MLLT10: variants seen among roughly 807,000 people sequenced by gnomAD.
MLLT10 encodes MLLT10 histone lysine methyltransferase DOT1L cofactor.
In MLLT10, 30 loss-of-function variants were observed where a neutral mutation model predicts 129.1. That is an observed-to-expected ratio of 0.23 (90% CI 0.17 to 0.32). MLLT10 has a LOEUF of 0.32. MLLT10 is among the 10% of genes least tolerant of loss of function. The pLI, the probability that MLLT10 is intolerant of heterozygous loss-of-function variation, is 1.00. For missense variants in MLLT10, 1,119 were observed against 1,268.3 expected, an observed-to-expected ratio of 0.88 and a Z score of 1.79; for synonymous variants, 490 against 446.4, an observed-to-expected ratio of 1.10 and a Z score of -1.23.
At chr10:21,555,224 A>G (rs760626555) in intron 3 of MLLT10, among the ~76,000 whole-genome samples, 1 of 151,756 alleles carries the variant, frequency 6.6e-6, no homozygotes, top group African/African-American at 2.4e-5. Flanking sequence ...TTTAAATTTA[A>G]TTTAATTTTA....
At chr10:21,691,313 C>T (rs1230155295) in intron 13 of MLLT10, among the ~76,000 whole-genome samples, 3 of 152,216 alleles carry the variant, frequency 2.0e-5, no homozygotes, top group South Asian at 4.2e-4. Flanking sequence ...CTATAGATGA[C>T]TGATATACTT....
At chr10:21,647,369 T>C (rs1381155408) in intron 8 of MLLT10, among the ~76,000 whole-genome samples, 1 of 152,186 alleles carries the variant, frequency 6.6e-6, no homozygotes, top group Non-Finnish European at 1.5e-5. Flanking sequence ...GTTTTAAAAA[T>C]TGTCAGCTTG....
chr10:21,726,223 A>C lies in MLLT10; in HGVS notation c.1879-21A>C, dbSNP rs867968277. ...TATTTTCACATATAATTCATTTATC[A>C]TTGTAATTTTTTCCATTTAGGCAAA... On this transcript the variant is annotated intron_variant, in intron 14 of 22. Coordinates refer to ENST00000307729, the MANE Select transcript of MLLT10 (RefSeq NM_001195626.3). 3 of 1,406,312 alleles carry C rather than the reference A, an allele frequency of 2.1e-6. No homozygotes were observed. The South Asian group carries it at 3.7e-5, about 17-fold the overall frequency. The allele number at this position is 1,406,312 out of a possible 1,614,324, so 87.1% of individuals were successfully genotyped here.
chr10:21,571,273 A>G (rs2131035745), intron 3 of MLLT10, among the ~76,000 whole-genome samples: 1 of 152,282 alleles, frequency 6.6e-6, no homozygotes, highest in Admixed American at 6.5e-5. Context: ...CTGATTTGTC[A>G]TTCAACCAAA....
At chr10:21,608,858 A>G (rs946479443) in intron 5 of MLLT10, among the ~76,000 whole-genome samples, 3 of 152,152 alleles carry the variant, frequency 2.0e-5, no homozygotes, top group Admixed American at 6.5e-5. Flanking sequence ...CCTAAGTCCA[A>G]CATCTGGGTA....
chr10:21,696,942 G>A (rs1353519499), intron 13 of MLLT10, among the ~76,000 whole-genome samples: 10 of 151,872 alleles, frequency 6.6e-5, no homozygotes, highest in African/African-American at 9.7e-5. Flanking sequence ...ATGGCTTTCC[G>A]TTAGGTTAAA....
At chr10:21,601,961 C>CT (rs2043575916) in intron 5 of MLLT10, among the ~76,000 whole-genome samples, 1 of 152,090 alleles carries the variant, frequency 6.6e-6, no homozygotes. Flanking sequence ...AAAACTGATA[C>CT]TTCAGGGAAG....
At chr10:21,540,899 C>T (rs1217400678) in intron 3 of MLLT10, among the ~76,000 whole-genome samples, 4 of 152,110 alleles carry the variant, frequency 2.6e-5, no homozygotes, top group Non-Finnish European at 5.9e-5. Flanking sequence ...GTGGCTCGTG[C>T]TTGTAATCCT....
chr10:21,643,043 A>T (rs1185440043), intron 8 of MLLT10, among the ~76,000 whole-genome samples: 3 of 151,262 alleles, frequency 2.0e-5, no homozygotes, highest in Admixed American at 1.3e-4. Context: ...TTTATTTTTT[A>T]TTTTTTTGAG....
intron 2 of MLLT10, among the ~76,000 whole-genome samples, chr10:21,537,133 A>T (rs932319194): frequency 2.6e-5 from 4 of 152,080 alleles, no homozygotes; most frequent in Admixed American, 1.3e-4. Context: ...CCTTAGCCTC[A>T]TAAAGTGCTG....
chr10:21,686,797 C>T (rs1293406566), intron 13 of MLLT10, among the ~76,000 whole-genome samples: 1 of 152,146 alleles, frequency 6.6e-6, no homozygotes, highest in Non-Finnish European at 1.5e-5. Flanking sequence ...GCCTGCTCAA[C>T]ATGACGAAAC....
chr10:21,637,247 C>T (rs112228509), intron 8 of MLLT10, among the ~76,000 whole-genome samples: 2,059 of 152,302 alleles, frequency 0.014, 46 homozygotes, highest in African/African-American at 0.047. Context: ...TCCTACCTAG[C>T]TTCCAACACA....
At chr10:21,600,834 C>G (rs1359383380) in intron 5 of MLLT10, among the ~76,000 whole-genome samples, 5 of 152,174 alleles carry the variant, frequency 3.3e-5, no homozygotes, top group Non-Finnish European at 5.9e-5. Context: ...TCCAGCCCCC[C>G]TCTCCCCAAC....
At position 21,612,719 on chromosome 10, in the gene MLLT10, A is replaced by G. The variant is rs138309791; in HGVS notation, c.509+268A>G. ...CTTGTTTAAAATTTTGGTATTGATT[A>G]CCTATCCTTCGATTTGTTATTATGA... On this transcript the variant is annotated intron_variant, in intron 6 of 22. Coordinates refer to ENST00000307729, the MANE Select transcript of MLLT10 (RefSeq NM_001195626.3). Among the ~76,000 whole-genome samples the G allele has an allele frequency of 6.8e-4, 103 of 152,248 alleles. 1 individual carries two copies. The East Asian group carries it at 0.018, about 27-fold the overall frequency.
intron 13 of MLLT10, among the ~76,000 whole-genome samples, chr10:21,689,318 T>G (rs1318004203): frequency 5.9e-5 from 9 of 151,842 alleles, no homozygotes; most frequent in African/African-American, 2.2e-4. Flanking sequence ...TTTCAAGGGA[T>G]GTACTTACAA....
At chr10:21,542,452 C>A (rs1257867934) in intron 3 of MLLT10, among the ~76,000 whole-genome samples, 9 of 152,314 alleles carry the variant, frequency 5.9e-5, no homozygotes, top group Non-Finnish European at 4.4e-5. Context: ...CGCCTGTAAT[C>A]CCAGCTACTC....
Position 21,624,646 on chromosome 10 carries a change from A to G in MLLT10, c.699+7439A>G, listed in dbSNP as rs2046245657. 7 of 1,458,922 alleles carry G rather than the reference A, an allele frequency of 4.8e-6. No individual in the cohort carries two copies. In the East Asian group the frequency reaches 1.6e-4, roughly 34 times the overall value. The allele number at this position is 1,458,922 out of a possible 1,614,324, so 90.4% of individuals were successfully genotyped here. On this transcript the variant is annotated intron_variant, in intron 8 of 22. Coordinates refer to ENST00000307729, the MANE Select transcript of MLLT10 (RefSeq NM_001195626.3). ...AAAATTCCTGGTTGTCATTATTGTA[A>G]CCATAGTTACCAGAATAGTCACCAC...
chr10:21,717,656 C>CTCCTCCTCT (rs1564710802), intron 14 of MLLT10, among the ~76,000 whole-genome samples: 1 of 130,548 alleles, frequency 7.7e-6, no homozygotes, highest in African/African-American at 2.9e-5. Context: ...CCTCCTCTTC[C>CTCCTCCTCT]TCCTCCTCTT....
chr10:21,699,135 A>G (rs1036511825), intron 13 of MLLT10, among the ~76,000 whole-genome samples: 7 of 152,098 alleles, frequency 4.6e-5, no homozygotes, highest in Non-Finnish European at 1.0e-4. Flanking sequence ...TCGGCCTCCC[A>G]AAGTGCTGGG....
Sources: allele counts gnomAD v4.1 joint callset (sites outside exome capture counted in the v4.1 genomes callset), GRCh38; gene constraint gnomAD v4.1.1; transcripts MANE v1.5; gene names NCBI Gene and HGNC (gene_info 2026-07-23, HGNC 2026-07-21).